MLPH: variants seen among roughly 807,000 people sequenced by gnomAD.
MLPH encodes melanophilin.
MLPH carries 51 observed loss-of-function variants against 72.1 expected under a neutral mutation model. That is an observed-to-expected ratio of 0.71 (90% confidence interval 0.56 to 0.89). The LOEUF (loss-of-function observed/expected upper bound fraction) is 0.89. MLPH is among the 40% of genes least tolerant of loss of function. The pLI is 0.00. For missense variants in MLPH, 743 were observed against 759.9 expected (o/e 0.98, Z 0.26); for synonymous variants, 301 against 310.1 (o/e 0.97, Z 0.31).
intron 4 of MLPH, among the ~76,000 whole-genome samples, chr2:237,516,972 G>A (rs952464098): frequency 1.6e-4 from 24 of 150,988 alleles, no homozygotes; most frequent in African/African-American, 5.8e-4. Flanking sequence ...TAGGTGGATG[G>A]ATGGGCAGCT....
chr2:237,493,432 G>A lies in MLPH; in HGVS notation c.6G>A (p.Gly2=). 2 of 1,613,832 alleles carry A rather than the reference G, an allele frequency of 1.2e-6. No individual in the cohort carries two copies. Among genetic ancestry groups the A allele is most frequent in the African/African-American group, 1.3e-5 (1 of 75,052 alleles). The change falls in exon 2 of 16, where the codon GGG becomes GGA. Residue 2 remains glycine, a synonymous_variant. Transcript: ENST00000264605. ...GACCCCGACAAGAAGCAGAAATGGG[G>A]AAGAAACTGGATCTTTCCAAGCTCA... M[G]KKLDLSKLTD...
intron 1 of MLPH, among the ~76,000 whole-genome samples, chr2:237,489,516 T>A (rs1043412930): frequency 9.2e-5 from 14 of 152,010 alleles, no homozygotes; most frequent in Admixed American, 8.5e-4. Flanking sequence ...CCTATAGAAA[T>A]AACCATACAG....
At chr2:237,525,250 C>A (rs982073538) in intron 6 of MLPH, among the ~76,000 whole-genome samples, 1 of 152,182 alleles carries the variant, frequency 6.6e-6, no homozygotes, top group Admixed American at 6.5e-5. Context: ...AACTTCCCTG[C>A]CCACGTCCTC....
At chr2:237,495,545 C>G (rs2106460335) in intron 2 of MLPH, among the ~76,000 whole-genome samples, 1 of 152,294 alleles carries the variant, frequency 6.6e-6, no homozygotes, top group Non-Finnish European at 1.5e-5. Context: ...ACTTTGGGTT[C>G]CCATGCTGAA....
chr2:237,504,996 C>G (rs539876750), intron 2 of MLPH, among the ~76,000 whole-genome samples: 2 of 152,348 alleles, frequency 1.3e-5, no homozygotes, highest in South Asian at 4.1e-4. Context: ...ACTCTGCTCA[C>G]TTACCGGGTC....
intron 2 of MLPH, among the ~76,000 whole-genome samples, chr2:237,502,123 G>C (rs2079664714): frequency 6.6e-6 from 1 of 152,140 alleles, no homozygotes; most frequent in Non-Finnish European, 1.5e-5. Context: ...GTAATCTGGT[G>C]GTGAGTTCCA....
chr2:237,552,882 CTG>C (rs1208744360), intron 15 of MLPH, among the ~76,000 whole-genome samples: 2 of 152,176 alleles, frequency 1.3e-5, no homozygotes, highest in Non-Finnish European at 2.9e-5. Context: ...GTGTGCATGC[CTG>C]TGTGTTTGTG....
chr2:237,545,553 G>A (rs1178541910), intron 12 of MLPH: 2 of 1,288,324 alleles, frequency 1.6e-6, no homozygotes, highest in Non-Finnish European at 2.0e-6. Context: ...GAATCATGTT[G>A]CCTCATGTGG....
chr2:237,526,443 G>A (rs7570882), intron 7 of MLPH, among the ~76,000 whole-genome samples: 61,359 of 151,846 alleles, frequency 0.4, 15,460 homozygotes, highest in African/African-American at 0.72. Flanking sequence ...TTCCCTCTTC[G>A]TTGTATTGAA....
chr2:237,532,325 C>T (rs1574882165), intron 8 of MLPH, among the ~76,000 whole-genome samples: 1 of 152,326 alleles, frequency 6.6e-6, no homozygotes, highest in Middle Eastern at 3.4e-3. Context: ...CACAGCTTTC[C>T]CGACGAGGGG....
chr2:237,535,524 C>T (rs773789435), intron 9 of MLPH, among the ~76,000 whole-genome samples: 3 of 151,974 alleles, frequency 2.0e-5, no homozygotes, highest in Non-Finnish European at 4.4e-5. Context: ...GTCTGAGAGA[C>T]AGGCAGACAG....
At position 237,510,847 on chromosome 2, in the gene MLPH, T is replaced by C; in HGVS notation, c.332+52T>C. On this transcript the variant is annotated intron_variant, in intron 3 of 15. Transcript: ENST00000264605. This position sits in a 1 kb window ranked among gnomAD's most constrained non-coding sequence, Gnocchi z 4.4. ...ACCTTGATAGTTTCTGGATCTGGCG[T>C]GTCCCTTCCATGGGGCTAGCTGAAG... 1 of 1,603,662 alleles carries C rather than the reference T, an allele frequency of 6.2e-7. No individual in the cohort carries two copies. Among genetic ancestry groups the C allele is most frequent in the Non-Finnish European group, 8.5e-7 (1 of 1,171,676 alleles).
intron 4 of MLPH, chr2:237,511,481 T>C: frequency 4.3e-6 from 1 of 230,362 alleles, no homozygotes; most frequent in South Asian, 6.3e-5. Context: ...ACCTCAGAAG[T>C]CCTGGGTGCT....
intron 6 of MLPH, among the ~76,000 whole-genome samples, chr2:237,521,424 T>A (rs1559355139): frequency 6.6e-6 from 1 of 152,138 alleles, no homozygotes; most frequent in African/African-American, 2.4e-5. Context: ...TTTTCAGGTG[T>A]CTTGTTCATC....
At chr2:237,537,249 G>A (rs775654488) in intron 9 of MLPH, among the ~76,000 whole-genome samples, 1 of 152,212 alleles carries the variant, frequency 6.6e-6, no homozygotes, top group Non-Finnish European at 1.5e-5. Flanking sequence ...ACATACATGT[G>A]TATATGTGTG....
At chr2:237,517,907 G>A in intron 4 of MLPH, 1 of 176,330 alleles carries the variant, frequency 5.7e-6, no homozygotes, top group South Asian at 1.4e-4. Context: ...AGATGGGTAG[G>A]CGGATAAGTA....
At chr2:237,543,100 A>G (rs1315408225) in intron 12 of MLPH, among the ~76,000 whole-genome samples, 10 of 69,678 alleles carry the variant, frequency 1.4e-4, no homozygotes, top group Admixed American at 3.0e-4. Context: ...GAGTGGGGAC[A>G]GTGGTGAGTG....
rs1553600847 is a variant in MLPH, at chr2:237,533,390, C to CATT, written c.1021-1174_1021-1173insATT. Among the ~76,000 whole-genome samples the CATT allele has an allele frequency of 2.3e-4, 25 of 107,986 alleles. 1 individual carries two copies. The East Asian group carries it at 2.3e-3, about 10-fold the overall frequency. 70.8% of individuals were successfully genotyped at this position (107,986 alleles called of 152,430 possible). A position where few individuals can be genotyped will look rare whatever the true frequency, so the allele number is the denominator to read the frequency against. On this transcript the variant is annotated intron_variant, in intron 8 of 15. Transcript: ENST00000264605. Reference sequence around the variant, plus strand: ...GGAAGTCTCTTCTCTATTTTCTTTTCTTTTTTTTTTTTTTTTTTTTTTGTC... The same window carrying CATT: ...GGAAGTCTCTTCTCTATTTTCTTTTCATTTTTTTTTTTTTTTTTTTTTTTTGTC...
At position 237,549,237 on chromosome 2, in the gene MLPH, A is replaced by G. The variant is rs2080983559; in HGVS notation, c.1634A>G (p.Tyr545Cys). ...SSEAKAMAVPYLLRRKFSNSL... is the reference protein window; with the variant it reads ...SSEAKAMAVPCLLRRKFSNSL... ...TTCTTCTAGGCAATGGCTGTGCCCT[A>G]TCTTCTGAGAAGAAAGTTCAGTAAT... is the stretch of plus-strand genomic sequence containing the variant. The change falls in exon 14 of 16, where the codon TAT becomes TGT. Residue 545 changes from tyrosine (Y) to cysteine (C), a missense_variant. Coordinates refer to ENST00000264605, the MANE Select transcript of MLPH (RefSeq NM_024101.7). The G allele has an allele frequency of 6.2e-7, 1 of 1,614,174 alleles. No homozygotes were observed. Among genetic ancestry groups the G allele is most frequent in the Non-Finnish European group, 8.5e-7 (1 of 1,179,996 alleles).
Sources: gnomAD v4.1 joint callset for allele counts (sites outside exome capture counted in the v4.1 genomes callset) on GRCh38, gnomAD v4.1.1 for gene constraint, Gnocchi (gnomAD v3.1) non-coding constraint, MANE v1.5 for transcripts, NCBI Gene and HGNC (gene_info 2026-07-23, HGNC 2026-07-21) for gene names.